The following COL5A1 variants were observed in gnomAD, a reference collection of about 807,000 sequenced individuals.
COL5A1 encodes the protein collagen type V alpha 1 chain, also known as collagen alpha-1(V) chain.
Under a neutral mutation model 263.7 loss-of-function variants are expected in COL5A1, and 16 were observed. The observed-to-expected ratio is 0.06, with a 90% CI of 0.04 to 0.09. COL5A1 has a LOEUF of 0.09. COL5A1 is among the 10% of genes least tolerant of loss of function. The pLI is 1.00. For synonymous variants in COL5A1, 1,012 were observed against 1,004.5 expected (o/e 1.01, Z -0.14); for missense variants, 2,036 against 2,540.5 (o/e 0.80, Z 4.27).
At chr9:134,699,381 A>G (rs186943578) in intron 2 of COL5A1, among the ~76,000 whole-genome samples, 30 of 152,322 alleles carry the variant, frequency 2.0e-4, no homozygotes, top group Admixed American at 3.3e-4. Flanking sequence ...CAACCAGGAA[A>G]TGTCACAAAG....
At chr9:134,774,646 C>T (rs140278417) in intron 26 of COL5A1, among the ~76,000 whole-genome samples, 232 of 152,316 alleles carry the variant, frequency 1.5e-3, no homozygotes, top group African/African-American at 4.7e-3. Flanking sequence ...CTCTGTGTCC[C>T]GCTCAGCATG....
intron 1 of COL5A1, among the ~76,000 whole-genome samples, chr9:134,654,285 GTAGAGCTGGTGTGTA>G (rs1479027938): frequency 4.4e-4 from 56 of 127,864 alleles, no homozygotes; most frequent in Non-Finnish European, 6.2e-4. Context: ...CTGGAGGTGT[GTAGAGCTGGTGTGTA>G]TAGGGCTGGA....
chr9:134,813,881 G>A lies in COL5A1; in HGVS notation c.3853-102G>A, dbSNP rs2132851360. ...AACCCCTGGGTCCTGGGTGCCCAGG[G>A]GCAGGCAGACAGCAGGCAGGATTTG... On this transcript the variant is annotated intron_variant, in intron 48 of 65. Transcript: ENST00000371817. 3.0e-6 allele frequency: 4 copies of A among 1,332,220 alleles called. No individual in the cohort carries two copies. In the East Asian group the frequency reaches 1.0e-4, roughly 34 times the overall value. The allele number at this position is 1,332,220 out of a possible 1,614,324, so 82.5% of individuals were successfully genotyped here.
At chr9:134,784,472 C>T (rs959600086) in intron 29 of COL5A1, among the ~76,000 whole-genome samples, 3 of 152,196 alleles carry the variant, frequency 2.0e-5, no homozygotes, top group East Asian at 3.9e-4. Flanking sequence ...TTGGACGAGG[C>T]GGAATTTAAG....
chr9:134,653,017 T>C lies in COL5A1; in HGVS notation c.109+10721T>C, dbSNP rs964029568. On this transcript the variant is annotated intron_variant, in intron 1 of 65. Coordinates refer to ENST00000371817, the MANE Select transcript of COL5A1 (RefSeq NM_000093.5). Reference sequence around the variant, plus strand: ...CCAGGGTCTTGGATTTCAGCATTAATGGTGGTCGTGGGGTGGGGAGGGCAC... The same window carrying C: ...CCAGGGTCTTGGATTTCAGCATTAACGGTGGTCGTGGGGTGGGGAGGGCAC... Among the ~76,000 whole-genome samples, 7 of 151,988 alleles carry C rather than the reference T, an allele frequency of 4.6e-5. No homozygotes were observed. The South Asian group carries it at 1.2e-3, about 27-fold the overall frequency.
At chr9:134,733,852 T>C (rs1224579794) in intron 9 of COL5A1, among the ~76,000 whole-genome samples, 1 of 152,236 alleles carries the variant, frequency 6.6e-6, no homozygotes, top group Non-Finnish European at 1.5e-5. Flanking sequence ...TCCCCAGACT[T>C]GGCCCCCAGG....
intron 29 of COL5A1, 21 bp downstream of exon 29, chr9:134,782,741 AT>A: frequency 7.0e-7 from 1 of 1,420,798 alleles, no homozygotes; most frequent in Non-Finnish European, 9.7e-7. Context: ...CAGGTTTGGG[AT>A]TTGGGCTGGG....
In COL5A1 at chr9:134,796,356, C is replaced by G. The variant is rs73664144; in HGVS notation, c.2800-18C>G. ...AATAACAATCATAAGCTTTTCCCCC[C>G]TCTCCTTCCCTCTCAAGGGCAACTC... is the stretch of plus-strand genomic sequence containing the variant. On this transcript the variant is annotated intron_variant, in intron 34 of 65. Transcript: ENST00000371817. 1.2e-6 allele frequency: 2 copies of G among 1,613,654 alleles called. No homozygotes were observed. The highest frequency in any genetic ancestry group is 2.2e-5 in the East Asian group (1 of 44,872).
chr9:134,819,994 G>A, intron 57 of COL5A1, 122 bp from the exon 58 acceptor site: 1 of 811,456 alleles, frequency 1.2e-6, no homozygotes, highest in South Asian at 1.4e-5. Context: ...CCTTCCAGGG[G>A]AGGCTGACCA....
chr9:134,782,590 G>T, intron 28 of COL5A1, 77 bp from the exon 29 acceptor site: 1 of 1,377,802 alleles, frequency 7.3e-7, no homozygotes, highest in Non-Finnish European at 1.0e-6. Context: ...GAGTGTGGTT[G>T]TTTGGAGCGG....
At chr9:134,671,667 C>A (rs898660447) in intron 1 of COL5A1, among the ~76,000 whole-genome samples, 25 of 152,150 alleles carry the variant, frequency 1.6e-4, no homozygotes, top group African/African-American at 6.0e-4. Context: ...TGGACGAGTG[C>A]GTGAAGGGTT....
chr9:134,700,173 C>A lies in COL5A1; in HGVS notation c.491+51C>A. 6.5e-7 allele frequency: 1 copy of A among 1,533,108 alleles called. No individual in the cohort carries two copies. Among genetic ancestry groups the A allele is most frequent in the Non-Finnish European group, 8.9e-7 (1 of 1,125,322 alleles). The allele number at this position is 1,533,108 out of a possible 1,614,324, so 95.0% of individuals were successfully genotyped here. On this transcript the variant is annotated intron_variant, in intron 3 of 65. Coordinates refer to ENST00000371817, the MANE Select transcript of COL5A1 (RefSeq NM_000093.5). The surrounding 1 kb of genome is among the most constrained non-coding windows in gnomAD (Gnocchi z 4.0). ...TCCCCCTGCTGGAGGGGGGATCAGG[C>A]CAGCTCATACCACTGACCAGATGTG...
intron 1 of COL5A1, among the ~76,000 whole-genome samples, chr9:134,668,417 G>A (rs906389652): frequency 1.3e-5 from 2 of 152,148 alleles, no homozygotes; most frequent in African/African-American, 4.8e-5. Context: ...GTGTGATCTT[G>A]GTCTTTGCGT....
At position 134,774,843 on chromosome 9, in the gene COL5A1, T is replaced by A. The variant is rs369948898; in HGVS notation, c.2332-16T>A. On this transcript the variant is annotated splice_polypyrimidine_tract_variant and intron_variant, in intron 26 of 65. Coordinates refer to ENST00000371817, the MANE Select transcript of COL5A1 (RefSeq NM_000093.5). Reference sequence around the variant, plus strand: ...CACTGGCATGGGGCTAACGGTCTTTTTCTGTTTGGTTTTAGGGTCCACCTG... The same window carrying A: ...CACTGGCATGGGGCTAACGGTCTTTATCTGTTTGGTTTTAGGGTCCACCTG... The A allele has an allele frequency of 1.8e-5, 29 of 1,612,996 alleles. No homozygotes were observed. In the African/African-American group the frequency reaches 3.7e-4, roughly 21 times the overall value.
chr9:134,805,630 GC>G (rs1564471064), intron 41 of COL5A1, among the ~76,000 whole-genome samples: 1 of 152,170 alleles, frequency 6.6e-6, no homozygotes, highest in African/African-American at 2.4e-5. Flanking sequence ...GGCCCACTGG[GC>G]AGGATGGCCC....
intron 63 of COL5A1, among the ~76,000 whole-genome samples, chr9:134,826,478 C>T (rs4841938): frequency 0.49 from 75,109 of 152,050 alleles, 19,228 homozygotes; most frequent in Middle Eastern, 0.6. Flanking sequence ...GAGGCCTCAG[C>T]GCTGTAGCAG....
At chr9:134,707,471 C>T (rs1374428676) in intron 4 of COL5A1, among the ~76,000 whole-genome samples, 2 of 152,132 alleles carry the variant, frequency 1.3e-5, no homozygotes, top group Admixed American at 6.5e-5. Context: ...ATTTCACTCT[C>T]CCCGGGGCAG....
intron 1 of COL5A1, among the ~76,000 whole-genome samples, chr9:134,651,894 G>A (rs914577879): frequency 4.6e-5 from 7 of 152,214 alleles, no homozygotes; most frequent in Admixed American, 4.6e-4. Context: ...GGGATGATCT[G>A]AAATCCTCTT....
intron 63 of COL5A1, among the ~76,000 whole-genome samples, chr9:134,827,830 G>A (rs2132895296): frequency 6.6e-6 from 1 of 152,348 alleles, no homozygotes; most frequent in East Asian, 1.9e-4. Flanking sequence ...CCACATCCCG[G>A]GACTCTTCCA....
Sources: gnomAD v4.1 joint callset for allele counts (sites outside exome capture counted in the v4.1 genomes callset) on GRCh38, gnomAD v4.1.1 for gene constraint, Gnocchi (gnomAD v3.1) non-coding constraint, MANE v1.5 for transcripts, NCBI Gene and HGNC (gene_info 2026-07-23, HGNC 2026-07-21) for gene names.